The following PUS7L variants were observed in gnomAD, a reference collection of about 807,000 sequenced individuals.
PUS7L encodes the protein pseudouridine synthase 7 like.
A neutral mutation model predicts 51.1 loss-of-function variants in PUS7L; 49 were observed. The observed-to-expected ratio is 0.96, with a 90% CI of 0.76 to 1.22. The LOEUF (loss-of-function observed/expected upper bound fraction) is 1.22, where lower values mean the gene tolerates loss of function less well. Ranked by LOEUF, PUS7L falls within the 50% of genes most tolerant of loss-of-function variation. PUS7L has a pLI of 0.00. For missense variants in PUS7L, 828 were observed against 820.6 expected, an observed-to-expected ratio of 1.01 and a Z score of -0.11; for synonymous variants, 277 against 276.2, an observed-to-expected ratio of 1.00 and a Z score of -0.03.
rs902772695 is a variant in PUS7L, at chr12:43,728,189, A to T, written c.*2187T>A. The T allele has an allele frequency of 7.2e-5, 11 of 152,174 alleles. No individual in the cohort carries two copies. The highest frequency in any genetic ancestry group is 2.2e-4 in the African/African-American group (9 of 41,452). The allele number at this position is 152,174 out of a possible 1,614,324, so 9.4% of individuals were successfully genotyped here. The stretch of plus-strand genomic sequence containing the variant: ...AATAATAAAAGTCCTTAAACAAAAA[A>T]AGTTTAACATGGCATCTTATTGGCA... On this transcript the variant is annotated 3_prime_UTR_variant, in exon 9 of 9. Coordinates refer to ENST00000344862, the MANE Select transcript of PUS7L (RefSeq NM_031292.5).
chr12:43,732,645 A>G (rs953216609), intron 7 of PUS7L, among the ~76,000 whole-genome samples: 7 of 152,164 alleles, frequency 4.6e-5, no homozygotes, highest in Non-Finnish European at 1.0e-4. Flanking sequence ...AAAGGCAGCT[A>G]TTCTCTCTTC....
intron 5 of PUS7L, among the ~76,000 whole-genome samples, chr12:43,740,371 G>C (rs1380381761): frequency 6.6e-6 from 1 of 152,136 alleles, no homozygotes; most frequent in Non-Finnish European, 1.5e-5. Context: ...ATTAGGGACA[G>C]AGCATTGAGT....
In PUS7L at chr12:43,730,564, A is replaced by T; in HGVS notation, c.1918T>A (p.Cys640Ser). 2 of 1,613,888 alleles carry T rather than the reference A, an allele frequency of 1.2e-6. No homozygotes were observed. Among genetic ancestry groups the T allele is most frequent in the Non-Finnish European group, 1.7e-6 (2 of 1,179,838 alleles). Residue 640 changes from cysteine (C) to serine (S), a missense_variant, in exon 9 of 9, where the codon TGC becomes AGC. Physicochemically the swap from Cys to Ser is moderately radical, Grantham distance 112. Transcript: ENST00000344862. Reference protein sequence around the residue: ...VPTLKLNIPGCYRQILKHPCN... With the variant: ...VPTLKLNIPGSYRQILKHPCN... Reference sequence around the variant, plus strand: ...GGATGTTTCAAAATCTGTCTATAGCAACCTGGTATATTCAGTTTCAGAGTA... The same window carrying T: ...GGATGTTTCAAAATCTGTCTATAGCTACCTGGTATATTCAGTTTCAGAGTA...
rs1247191950 is a variant in PUS7L at position 43,730,606 on chromosome 12, A to G, written c.1876T>C (p.Cys626Arg). The change falls in exon 9 of 9, where the codon TGT becomes CGT. Residue 626 changes from cysteine (C) to arginine (R), a missense_variant. Transcript: ENST00000344862. ...DILSRDGLQT[C>R]RFKVPTLKLN... The stretch of plus-strand genomic sequence containing the variant: ...TTCAGAGTAGGTACTTTAAACCTAC[A>G]TGTCTGTAGTCCATCTCTGCTAAGT... 2 of 1,612,934 alleles carry G rather than the reference A, an allele frequency of 1.2e-6. No homozygotes were observed. Among genetic ancestry groups the G allele is most frequent in the Non-Finnish European group, 1.7e-6 (2 of 1,179,080 alleles).
intron 1 of PUS7L, chr12:43,758,230 T>C (rs748914459): frequency 9.0e-6 from 7 of 781,060 alleles, no homozygotes; most frequent in Non-Finnish European, 1.1e-5. Flanking sequence ...GTGAAACAGG[T>C]AGGGAAACTT....
chr12:43,739,078 G>A (rs74567299), intron 5 of PUS7L: 1 of 153,868 alleles, frequency 6.5e-6, no homozygotes, highest in East Asian at 1.9e-4. Flanking sequence ...CCAGATCAAA[G>A]AGTTAAATAT....
intron 2 of PUS7L, among the ~76,000 whole-genome samples, chr12:43,751,430 G>A (rs2137748353): frequency 6.9e-6 from 1 of 145,110 alleles, no homozygotes; most frequent in South Asian, 2.2e-4. Flanking sequence ...TCCCACCTAT[G>A]AGTGAGAACA....
At position 43,729,126 on chromosome 12, in the gene PUS7L, C is replaced by A. The variant is rs1944495821; in HGVS notation, c.*1250G>T. ...CTTTTTTAAATAACTACATATTTTA[C>A]CATCAAGTTGATACACATCATTTTA... On this transcript the variant is annotated 3_prime_UTR_variant, in exon 9 of 9. Transcript: ENST00000344862. The A allele has an allele frequency of 2.5e-6, 1 of 396,274 alleles. No homozygotes were observed. The highest frequency in any genetic ancestry group is 4.5e-6 in the Non-Finnish European group (1 of 224,524). 24.5% of individuals were successfully genotyped at this position (396,274 alleles called of 1,614,324 possible).
At chr12:43,741,886 T>C (rs1467206847) in intron 5 of PUS7L, among the ~76,000 whole-genome samples, 1 of 152,206 alleles carries the variant, frequency 6.6e-6, no homozygotes, top group Admixed American at 6.5e-5. Context: ...TTCAAATATA[T>C]AATTTTTATA....
Position 43,746,240 on chromosome 12 carries a change from TGTAA to T in PUS7L, c.1071-6_1071-3del. 4 of 1,200,012 alleles carry T rather than the reference TGTAA, an allele frequency of 3.3e-6. No individual in the cohort carries two copies. The highest frequency in any genetic ancestry group is 1.4e-5 in the South Asian group (1 of 69,928). The allele number at this position is 1,200,012 out of a possible 1,614,324, so 74.3% of individuals were successfully genotyped here. A position where few individuals can be genotyped will look rare whatever the true frequency, so the allele number is the denominator to read the frequency against. On this transcript the variant is annotated splice_region_variant and splice_polypyrimidine_tract_variant and intron_variant, in intron 3 of 8. Transcript: ENST00000344862. ...ATTTCTTTTTCAATATTTTTCAACC[TGTAA>T]GTAATAAATCATATAAACTCAGTTA...
intron 1 of PUS7L, among the ~76,000 whole-genome samples, chr12:43,758,121 A>G (rs917218806): frequency 6.6e-6 from 1 of 152,240 alleles, no homozygotes; most frequent in African/African-American, 2.4e-5. Flanking sequence ...CAAAAACAAA[A>G]CAGCATGGTC....
chr12:43,743,637 C>T (rs546188910), intron 4 of PUS7L, among the ~76,000 whole-genome samples: 3 of 152,180 alleles, frequency 2.0e-5, no homozygotes, highest in South Asian at 2.1e-4. Flanking sequence ...GTGGCGGGCA[C>T]CTGTAGTCCC....
At position 43,733,808 on chromosome 12, in the gene PUS7L, A is replaced by C. The variant is rs547235968; in HGVS notation, c.1726-2050T>G. ...CCACATGAGGTAAAATAAAACTTAAATGCTACTAGATTTCTTTTCACACAG... is the reference window on the plus strand; with the variant it reads ...CCACATGAGGTAAAATAAAACTTAACTGCTACTAGATTTCTTTTCACACAG... On this transcript the variant is annotated intron_variant, in intron 7 of 8. Transcript: ENST00000344862. Among the ~76,000 whole-genome samples the C allele has an allele frequency of 5.3e-5, 8 of 152,306 alleles. No homozygotes were observed. In the South Asian group the frequency reaches 6.2e-4, roughly 12 times the overall value.
In PUS7L at chr12:43,732,817, G is replaced by C. The variant is rs1281105663; in HGVS notation, c.1726-1059C>G. Among the ~76,000 whole-genome samples, 5 of 151,802 alleles carry C rather than the reference G, an allele frequency of 3.3e-5. No homozygotes were observed. In the East Asian group the frequency reaches 9.6e-4, roughly 29 times the overall value. ...TTAGGGTTTGTTTTTTTGTTTATTG[G>C]TAACTAACCTCTTTCAGTTACTGCA... On this transcript the variant is annotated intron_variant, in intron 7 of 8. Transcript: ENST00000344862.
rs1164021609 is a variant in PUS7L, at chr12:43,719,757, C to T, written c.*10619G>A. ...TCAATAATATTGGCAGAAAATTGTTCATAATATTCTATTATCTTTTTAATT... is the reference window on the plus strand; with the variant it reads ...TCAATAATATTGGCAGAAAATTGTTTATAATATTCTATTATCTTTTTAATT... On this transcript the variant is annotated 3_prime_UTR_variant, in exon 9 of 9. Coordinates refer to ENST00000344862, the MANE Select transcript of PUS7L (RefSeq NM_031292.5). 6.6e-6 allele frequency: 1 copy of T among 152,072 alleles called. No individual in the cohort carries two copies. The highest frequency in any genetic ancestry group is 2.4e-5 in the African/African-American group (1 of 41,426). The allele number at this position is 152,072 out of a possible 1,614,324, so 9.4% of individuals were successfully genotyped here.
intron 3 of PUS7L, among the ~76,000 whole-genome samples, chr12:43,747,586 C>T (rs527962070): frequency 2.6e-4 from 40 of 151,692 alleles, no homozygotes; most frequent in African/African-American, 8.5e-4. Flanking sequence ...CCCAGCTACT[C>T]GGGAGACTGA....
intron 7 of PUS7L, among the ~76,000 whole-genome samples, chr12:43,735,054 G>A (rs1464229487): frequency 6.6e-6 from 1 of 152,140 alleles, no homozygotes; most frequent in Non-Finnish European, 1.5e-5. Flanking sequence ...GGAGGCTCAC[G>A]CCTGTAATCT....
intron 1 of PUS7L, 75 bp downstream of exon 1, chr12:43,758,654 AC>A (rs760755963): frequency 0.14 from 63,161 of 446,588 alleles, 410 homozygotes; most frequent in Non-Finnish European, 0.15. Context: ...CAACCTCGTC[AC>A]CCCCCCCCCC....
Position 43,742,546 on chromosome 12 carries a change from A to G in PUS7L, c.1273T>C (p.Phe425Leu). 6.2e-7 allele frequency: 1 copy of G among 1,602,552 alleles called. No individual in the cohort carries two copies. Among genetic ancestry groups the G allele is most frequent in the African/African-American group, 1.3e-5 (1 of 74,106 alleles). ...CTCTGTGGTCCATAGTAATTCACAA[A>G]GCCTTTTTTCTATGTATACAAAATA... is the stretch of plus-strand genomic sequence containing the variant. ...EAIENVKKKG[F>L]VNYYGPQRFG... Residue 425 changes from phenylalanine to leucine, a missense_variant, in exon 5 of 9, where the codon TTT (phenylalanine) becomes CTT (leucine). Physicochemically the swap from Phe to Leu is conservative, Grantham distance 22. Transcript: ENST00000344862.
Sources: allele counts gnomAD v4.1 joint callset (sites outside exome capture counted in the v4.1 genomes callset), GRCh38; gene constraint gnomAD v4.1.1; transcripts MANE v1.5; gene names NCBI Gene and HGNC (gene_info 2026-07-23, HGNC 2026-07-21).